Variants in TRIO observed in about 807,000 individuals in gnomAD.
The protein encoded by TRIO is trio Rho guanine nucleotide exchange factor, also known as triple functional domain protein.
In TRIO, 58 loss-of-function variants were observed where a neutral mutation model predicts 351.9. That is an observed-to-expected ratio of 0.16 (90% CI 0.13 to 0.21). TRIO has a LOEUF of 0.21. Ranked by LOEUF, TRIO falls within the 10% of genes least tolerant of loss-of-function variation. The pLI, the probability that TRIO is intolerant of heterozygous loss-of-function variation, is 1.00. For synonymous variants in TRIO, 1,758 were observed against 1,595.7 expected (o/e 1.10, Z -2.42); for missense variants, 3,201 against 4,027.8 (o/e 0.79, Z 5.56).
At chr5:14,374,489 T>G in intron 19 of TRIO, 146 bp downstream of exon 19, 1 of 496,626 alleles carries the variant, frequency 2.0e-6, no homozygotes, top group Non-Finnish European at 3.5e-6. Context: ...CTAATGATCT[T>G]AGTTTAATAA....
chr5:14,464,382 G>A (rs997853969), intron 36 of TRIO, among the ~76,000 whole-genome samples: 2 of 152,104 alleles, frequency 1.3e-5, no homozygotes, highest in Admixed American at 6.5e-5. Flanking sequence ...ATGTTACCTC[G>A]TTGAGTATTA....
intron 1 of TRIO, among the ~76,000 whole-genome samples, chr5:14,201,247 C>T (rs892971019): frequency 6.6e-6 from 1 of 151,582 alleles, no homozygotes; most frequent in African/African-American, 2.4e-5. Context: ...GCAACAAGAG[C>T]GAAACTCCAT....
At chr5:14,147,711 G>C (rs372647692) in intron 1 of TRIO, among the ~76,000 whole-genome samples, 1 of 152,100 alleles carries the variant, frequency 6.6e-6, no homozygotes, top group African/African-American at 2.4e-5. Flanking sequence ...TTGATATGAC[G>C]GTTTCCTTGT....
At chr5:14,406,147 C>A in intron 32 of TRIO, 157 bp downstream of exon 32, 1 of 1,112,766 alleles carries the variant, frequency 9.0e-7, no homozygotes, top group Non-Finnish European at 1.3e-6. Context: ...AGTAATGAAA[C>A]TGCTTTGTCA....
intron 12 of TRIO, 145 bp downstream of exon 12, chr5:14,358,492 G>T: frequency 1.2e-6 from 1 of 825,564 alleles, no homozygotes; most frequent in Admixed American, 3.0e-5. Context: ...GCAAAGGAGA[G>T]AGAAACGGCT....
intron 43 of TRIO, among the ~76,000 whole-genome samples, chr5:14,480,296 C>T (rs776292143): frequency 6.6e-6 from 1 of 152,168 alleles, no homozygotes; most frequent in African/African-American, 2.4e-5. Flanking sequence ...TATATTATTT[C>T]TGATAAGTTA....
chr5:14,475,539 C>A (rs1755009166), intron 40 of TRIO, among the ~76,000 whole-genome samples: 2 of 152,158 alleles, frequency 1.3e-5, no homozygotes, highest in Non-Finnish European at 2.9e-5. Flanking sequence ...AATGTAAAAC[C>A]TTTGAACCCA....
chr5:14,421,603 G>GAA (rs377508422), intron 34 of TRIO, among the ~76,000 whole-genome samples: 11,677 of 109,026 alleles, frequency 0.11, 806 homozygotes, highest in African/African-American at 0.19. Context: ...GACTCCATCT[G>GAA]AAAAAAAAAA....
chr5:14,313,967 A>C (rs1333296343), intron 8 of TRIO, among the ~76,000 whole-genome samples: 2 of 152,108 alleles, frequency 1.3e-5, no homozygotes, highest in Non-Finnish European at 2.9e-5. Flanking sequence ...CAAGGAGGGC[A>C]AGTGGACTTT....
chr5:14,479,500 G>C lies in TRIO; in HGVS notation c.6243+150G>C, dbSNP rs138542244. On this transcript the variant is annotated intron_variant, in intron 42 of 56. Transcript: ENST00000344204. ...ACTTCTGAACCTTTCTTTCTTTCCT[G>C]TAAATCAGAGAAATGAGTATGAATT... is the stretch of plus-strand genomic sequence containing the variant. The C allele has an allele frequency of 1.6e-4, 110 of 666,960 alleles. 1 individual carries two copies. The highest frequency in any genetic ancestry group is 1.5e-3 in the African/African-American group (83 of 54,844). The allele number at this position is 666,960 out of a possible 1,614,324, so 41.3% of individuals were successfully genotyped here.
At chr5:14,412,124 A>T (rs1245896537) in intron 33 of TRIO, among the ~76,000 whole-genome samples, 2 of 151,802 alleles carry the variant, frequency 1.3e-5, no homozygotes, top group Non-Finnish European at 2.9e-5. Context: ...TGTAGCTGAG[A>T]TTATAGGCAA....
intron 1 of TRIO, among the ~76,000 whole-genome samples, chr5:14,160,759 T>G (rs551988990): frequency 1.3e-5 from 2 of 152,242 alleles, no homozygotes; most frequent in Non-Finnish European, 2.9e-5. Context: ...ATTTTACTTG[T>G]GTTACAGGTG....
At chr5:14,224,906 A>G (rs1792888048) in intron 1 of TRIO, among the ~76,000 whole-genome samples, 1 of 152,094 alleles carries the variant, frequency 6.6e-6, no homozygotes, top group Non-Finnish European at 1.5e-5. Flanking sequence ...AGGTGTTTTT[A>G]GTATCACATG....
chr5:14,478,561 TGAGATTAAA>T (rs1755267237), intron 41 of TRIO, among the ~76,000 whole-genome samples: 1 of 152,168 alleles, frequency 6.6e-6, no homozygotes, highest in African/African-American at 2.4e-5. Context: ...CTTTAGGATT[TGAGATTAAA>T]GAGCTTCTTC....
chr5:14,272,223 G>A (rs1796018350), intron 2 of TRIO, among the ~76,000 whole-genome samples: 1 of 152,180 alleles, frequency 6.6e-6, no homozygotes, highest in Non-Finnish European at 1.5e-5. Context: ...AAAATTAGAG[G>A]TATCTGTAAG....
chr5:14,406,702 A>G, intron 33 of TRIO, 30 bp downstream of exon 33: 6 of 1,603,564 alleles, frequency 3.7e-6, no homozygotes, highest in Non-Finnish European at 4.3e-6. Context: ...TTGTGTGCGG[A>G]GGGGAATGTG....
intron 11 of TRIO, among the ~76,000 whole-genome samples, chr5:14,338,626 G>A (rs1013905478): frequency 6.6e-6 from 1 of 152,238 alleles, no homozygotes; most frequent in African/African-American, 2.4e-5. Flanking sequence ...GACAGAACAT[G>A]GGCCAGGAGC....
chr5:14,213,594 A>G (rs1489610199), intron 1 of TRIO, among the ~76,000 whole-genome samples: 2 of 152,208 alleles, frequency 1.3e-5, no homozygotes, highest in Admixed American at 6.5e-5. Context: ...AAGTATTTCT[A>G]TAAAGGCTAA....
rs1019096522 is a variant in TRIO, at chr5:14,418,117, G to A, written c.4960-1661G>A. Reference sequence around the variant, plus strand: ...TTGAAGTGCCATGGAGGACAGGCACGAGAGGGACTTCTCGGAGCCAGTGGG... The same window carrying A: ...TTGAAGTGCCATGGAGGACAGGCACAAGAGGGACTTCTCGGAGCCAGTGGG... On this transcript the variant is annotated intron_variant, in intron 33 of 56. Transcript: ENST00000344204. Among the ~76,000 whole-genome samples, 10 of 152,216 alleles carry A rather than the reference G, an allele frequency of 6.6e-5. 1 individual carries two copies. The highest frequency in any genetic ancestry group is 2.2e-4 in the African/African-American group (9 of 41,456).
Sources: allele counts gnomAD v4.1 joint callset (sites outside exome capture counted in the v4.1 genomes callset), GRCh38; gene constraint gnomAD v4.1.1; transcripts MANE v1.5; gene names NCBI Gene and HGNC (gene_info 2026-07-23, HGNC 2026-07-21).